UNC5C: variants seen among roughly 807,000 people sequenced by gnomAD.
The protein encoded by UNC5C is unc-5 netrin receptor C.
UNC5C carries 47 observed loss-of-function variants against 99.8 expected under a neutral mutation model. That is an observed-to-expected ratio of 0.47 (90% CI 0.37 to 0.60). The LOEUF is 0.60. Among genes scored for constraint, UNC5C ranks in the 20% least tolerant of loss-of-function variants. The pLI, the probability that UNC5C is intolerant of heterozygous loss-of-function variation, is 0.00. For missense variants in UNC5C, 1,062 were observed against 1,165.9 expected, an observed-to-expected ratio of 0.91 and a Z score of 1.30; for synonymous variants, 487 against 452.2, an observed-to-expected ratio of 1.08 and a Z score of -0.98.
At chr4:95,406,575 A>G (rs986376245) in intron 1 of UNC5C, among the ~76,000 whole-genome samples, 5 of 152,208 alleles carry the variant, frequency 3.3e-5, no homozygotes, top group African/African-American at 1.2e-4. Flanking sequence ...ATTTATCAGT[A>G]CATGGCAAAA....
chr4:95,226,028 A>G (rs917595731), intron 7 of UNC5C, among the ~76,000 whole-genome samples: 1 of 152,340 alleles, frequency 6.6e-6, no homozygotes, highest in East Asian at 1.9e-4. Context: ...AACAACAGGG[A>G]ACATTTTCTT....
intron 1 of UNC5C, among the ~76,000 whole-genome samples, chr4:95,442,111 G>A (rs904385643): frequency 6.6e-6 from 1 of 152,186 alleles, no homozygotes; most frequent in Non-Finnish European, 1.5e-5. Context: ...AACAGTAGTA[G>A]CGCAGGGGTA....
chr4:95,217,537 A>G (rs1738294267), intron 9 of UNC5C, among the ~76,000 whole-genome samples: 1 of 152,240 alleles, frequency 6.6e-6, no homozygotes, highest in Admixed American at 6.5e-5. Flanking sequence ...AGCATTATGA[A>G]TATAAAGTAA....
At chr4:95,259,537 T>G (rs1297074850) in intron 4 of UNC5C, among the ~76,000 whole-genome samples, 1 of 152,172 alleles carries the variant, frequency 6.6e-6, no homozygotes, top group East Asian at 1.9e-4. Context: ...TGTAAGTAAT[T>G]GAGTATTAAA....
chr4:95,354,934 T>A (rs550980061), intron 1 of UNC5C, among the ~76,000 whole-genome samples: 1 of 152,330 alleles, frequency 6.6e-6, no homozygotes, highest in South Asian at 2.1e-4. Flanking sequence ...GCTCTGTAGC[T>A]AACTAGCTGG....
Position 95,202,896 on chromosome 4 carries a change from G to A in UNC5C, c.1971C>T (p.Cys657=). ...PCYIQLDAEA[C]HILTENLSTY... ...TGCTGAGGTTCTCTGTGAGGATGTG[G>A]CAGGCCTCTGCATCCAGCTGAATGT... Residue 657 remains cysteine (C), a synonymous_variant, in exon 12 of 16, where the codon TGC becomes TGT. Coordinates refer to ENST00000453304, the MANE Select transcript of UNC5C (RefSeq NM_003728.4). The A allele has an allele frequency of 1.2e-6, 2 of 1,614,208 alleles. No homozygotes were observed. The highest frequency in any genetic ancestry group is 1.7e-6 in the Non-Finnish European group (2 of 1,180,038).
chr4:95,464,240 G>A (rs940136652), intron 1 of UNC5C, among the ~76,000 whole-genome samples: 1 of 152,146 alleles, frequency 6.6e-6, no homozygotes, highest in Non-Finnish European at 1.5e-5. Context: ...ACTTTTAAAG[G>A]AAAAATATTT....
At chr4:95,543,137 A>G (rs1217041165) in intron 1 of UNC5C, among the ~76,000 whole-genome samples, 1 of 152,140 alleles carries the variant, frequency 6.6e-6, no homozygotes, top group Non-Finnish European at 1.5e-5. Context: ...CAAATACATA[A>G]GCAATAACAA....
At chr4:95,539,925 CT>C (rs61346866) in intron 1 of UNC5C, among the ~76,000 whole-genome samples, 2,404 of 145,506 alleles carry the variant, frequency 0.017, 44 homozygotes, top group East Asian at 0.079. Context: ...CATCCTTCTA[CT>C]TTTTTTTTTT....
chr4:95,483,337 G>C (rs1721226378), intron 1 of UNC5C, among the ~76,000 whole-genome samples: 1 of 151,594 alleles, frequency 6.6e-6, no homozygotes. Context: ...CACTTTTTAT[G>C]TTATCTTTAA....
chr4:95,246,484 C>T (rs2149380226), intron 5 of UNC5C, among the ~76,000 whole-genome samples: 1 of 151,958 alleles, frequency 6.6e-6, no homozygotes, highest in Admixed American at 6.6e-5. Flanking sequence ...TCCCTTGAGC[C>T]CAGGAGTAGA....
intron 1 of UNC5C, among the ~76,000 whole-genome samples, chr4:95,519,257 T>C (rs1287569520): frequency 6.6e-6 from 1 of 152,078 alleles, no homozygotes; most frequent in Non-Finnish European, 1.5e-5. Flanking sequence ...GGACCTGGTA[T>C]CTAGCTATTA....
At chr4:95,218,610 A>G (rs1265830504) in intron 9 of UNC5C, among the ~76,000 whole-genome samples, 1 of 152,220 alleles carries the variant, frequency 6.6e-6, no homozygotes, top group Admixed American at 6.5e-5. Context: ...CAAATGATAT[A>G]TTTAATAATT....
At chr4:95,403,835 G>A (rs1745763734) in intron 1 of UNC5C, among the ~76,000 whole-genome samples, 1 of 152,132 alleles carries the variant, frequency 6.6e-6, no homozygotes, top group African/African-American at 2.4e-5. Flanking sequence ...ATTCTCTCTT[G>A]TAATCAATAG....
chr4:95,231,067 A>G (rs768548914), intron 7 of UNC5C, among the ~76,000 whole-genome samples: 8 of 152,202 alleles, frequency 5.3e-5, no homozygotes, highest in Non-Finnish European at 1.2e-4. Context: ...AAACAGAATT[A>G]AAATGAAATC....
intron 1 of UNC5C, among the ~76,000 whole-genome samples, chr4:95,391,985 A>G (rs1292437391): frequency 6.6e-6 from 1 of 152,186 alleles, no homozygotes; most frequent in Non-Finnish European, 1.5e-5. Context: ...TGAGCCCCAG[A>G]CGTCGAGGCT....
At chr4:95,257,985 G>A (rs1358140522) in intron 4 of UNC5C, among the ~76,000 whole-genome samples, 3 of 152,144 alleles carry the variant, frequency 2.0e-5, no homozygotes, top group African/African-American at 7.2e-5. Context: ...TCATGTAAAG[G>A]ATTGTCTGAA....
At chr4:95,522,902 A>T (rs57091121) in intron 1 of UNC5C, among the ~76,000 whole-genome samples, 40,367 of 151,918 alleles carry the variant, frequency 0.27, 6,531 homozygotes, top group Non-Finnish European at 0.35. Flanking sequence ...AATGCCAGGG[A>T]CCAGAGCAAA....
chr4:95,436,120 C>T (rs1463161338), intron 1 of UNC5C, among the ~76,000 whole-genome samples: 2 of 151,374 alleles, frequency 1.3e-5, no homozygotes, highest in South Asian at 4.2e-4. Flanking sequence ...CCAATAATAT[C>T]CACAGATTAC....
Sources: allele counts gnomAD v4.1 joint callset (sites outside exome capture counted in the v4.1 genomes callset), GRCh38; gene constraint gnomAD v4.1.1; transcripts MANE v1.5; gene names NCBI Gene and HGNC (gene_info 2026-07-23, HGNC 2026-07-21).